Variants in SPI1 observed in about 807,000 individuals in gnomAD.
The protein encoded by SPI1 is transcription factor PU.1.
In SPI1, 3 loss-of-function variants were observed where a neutral mutation model predicts 30.7. That is an observed-to-expected ratio of 0.10 (90% CI 0.04 to 0.25). The LOEUF is 0.25. Ranked by LOEUF, SPI1 falls within the 10% of genes least tolerant of loss-of-function variation. The probability of loss-of-function intolerance (pLI) is 1.00; values close to 1 mark genes in which losing one functional copy is unlikely to be tolerated. For missense variants in SPI1, 261 were observed against 371.5 expected (o/e 0.70, Z 2.45); for synonymous variants, 169 against 157.1 (o/e 1.08, Z -0.56).
At chr11:47,356,186 A>G (rs1487101607) in intron 4 of SPI1, among the ~76,000 whole-genome samples, 1 of 150,396 alleles carries the variant, frequency 6.6e-6, no homozygotes, top group Admixed American at 6.6e-5. Flanking sequence ...TCACACACCC[A>G]CACAATGCAC....
At chr11:47,362,437 T>C (rs886974544) in intron 2 of SPI1, among the ~76,000 whole-genome samples, 2 of 152,032 alleles carry the variant, frequency 1.3e-5, no homozygotes, top group African/African-American at 4.8e-5. Context: ...CCAGACATGG[T>C]GGCACACACT....
At chr11:47,361,125 A>G (rs566023424) in intron 2 of SPI1, among the ~76,000 whole-genome samples, 2 of 152,128 alleles carry the variant, frequency 1.3e-5, no homozygotes, top group Non-Finnish European at 2.9e-5. Flanking sequence ...CGTCTCAAAA[A>G]GAAAAAAAAA....
rs576752137 is a variant in SPI1, at chr11:47,359,651, C to T, written c.330+202G>A. On this transcript the variant is annotated intron_variant, in intron 3 of 4. Coordinates refer to ENST00000378538, the MANE Select transcript of SPI1 (RefSeq NM_003120.3). This position sits in a 1 kb window ranked among gnomAD's most constrained non-coding sequence, Gnocchi z 5.1. ...GAATTATCTGGGGTCTGTCCATACT[C>T]GGGGTGAGATGAGATAAGGGGTGTG... Among the ~76,000 whole-genome samples the T allele has an allele frequency of 4.1e-5, 6 of 146,912 alleles. No homozygotes were observed. The East Asian group carries it at 1.0e-3, about 25-fold the overall frequency.
Position 47,375,844 on chromosome 11 carries a change from A to T in SPI1, c.46-115T>A, listed in dbSNP as rs2095941636. ...TTCCCTGGCTCAGTGGCTGCGTTGG[A>T]CCTACAGCCCTCCCTCTGCCTGGAA... On this transcript the variant is annotated intron_variant, in intron 1 of 4. Transcript: ENST00000378538. The surrounding 1 kb of genome is among the most constrained non-coding windows in gnomAD (Gnocchi z 4.2). The T allele has an allele frequency of 2.2e-5, 18 of 827,340 alleles. No individual in the cohort carries two copies. The highest frequency in any genetic ancestry group is 3.8e-5 in the Non-Finnish European group (18 of 478,616). 51.2% of individuals were successfully genotyped at this position (827,340 alleles called of 1,614,324 possible).
At chr11:47,376,684 C>A (rs1038307373) in intron 1 of SPI1, among the ~76,000 whole-genome samples, 8 of 152,102 alleles carry the variant, frequency 5.3e-5, no homozygotes, top group Admixed American at 2.6e-4. Flanking sequence ...TCCTCCTCCC[C>A]CTACTGGCAC....
rs144812993 is a variant in SPI1, at chr11:47,359,946, C to T, written c.237G>A (p.Pro79=). 797 of 1,611,522 alleles carry T rather than the reference C, an allele frequency of 4.9e-4. No individual in the cohort carries two copies. The highest frequency in any genetic ancestry group is 6.4e-4 in the Non-Finnish European group (754 of 1,179,662). The change falls in exon 3 of 5, where the codon CCG becomes CCA. Residue 79 remains proline, a synonymous_variant. Transcript: ENST00000378538. This position sits in a 1 kb window ranked among gnomAD's most constrained non-coding sequence, Gnocchi z 5.1. ...NFTELQSVQP[P]QLQQLYRHME... ...TGTGGCGGTAGAGCTGCTGCAGCTG[C>T]GGGGGCTGCACGCTCTGGAGCTCCG...
chr11:47,355,239 G>A lies in SPI1; in HGVS notation c.801C>T (p.His267=). The A allele has an allele frequency of 7.0e-7, 1 of 1,427,908 alleles. No individual in the cohort carries two copies. The highest frequency in any genetic ancestry group is 1.8e-4 in the Middle Eastern group (1 of 5,540). The allele number at this position is 1,427,908 out of a possible 1,614,324, so 88.5% of individuals were successfully genotyped here. A position where few individuals can be genotyped will look rare whatever the true frequency, so the allele number is the denominator to read the frequency against. The change falls in exon 5 of 5, where the codon CAC becomes CAT. Residue 267 remains histidine, a synonymous_variant. Transcript: ENST00000378538. ...GGGGGCTGCGGGCTCAGTGGGGCGG[G>A]TGGCGCCGCTCGGCCAGGCCCCCGC... ...LGRGGLAERR[H]PPH is the part of the protein sequence containing the mutation.
intron 4 of SPI1, 163 bp downstream of exon 4, chr11:47,358,681 G>GACAGCC: frequency 1.3e-6 from 1 of 755,968 alleles, no homozygotes; most frequent in Non-Finnish European, 2.3e-6. Context: ...CACACACAGA[G>GACAGCC]ACAGCCACAG....
chr11:47,368,200 A>G (rs1395807958), intron 2 of SPI1, among the ~76,000 whole-genome samples: 1 of 152,158 alleles, frequency 6.6e-6, no homozygotes, highest in East Asian at 1.9e-4. Flanking sequence ...ATCTGTCTCT[A>G]CTAAAAATAC....
chr11:47,361,307 G>A lies in SPI1; in HGVS notation c.143-1267C>T, dbSNP rs551375231. On this transcript the variant is annotated intron_variant, in intron 2 of 4. Coordinates refer to ENST00000378538, the MANE Select transcript of SPI1 (RefSeq NM_003120.3). Reference sequence around the variant, plus strand: ...CACACTAGAACTTGTCCAGGCACACGGTGGCCCTTCCTCTTCAAAGCCATG... The same window carrying A: ...CACACTAGAACTTGTCCAGGCACACAGTGGCCCTTCCTCTTCAAAGCCATG... 3.9e-5 allele frequency among the ~76,000 whole-genome samples: 6 copies of A among 152,112 alleles called. 1 individual carries two copies. The highest frequency in any genetic ancestry group is 1.4e-4 in the African/African-American group (6 of 41,480).
At chr11:47,364,639 G>C (rs2095925892) in intron 2 of SPI1, among the ~76,000 whole-genome samples, 1 of 152,078 alleles carries the variant, frequency 6.6e-6, no homozygotes, top group Non-Finnish European at 1.5e-5. Flanking sequence ...GCACCCCTTA[G>C]GTGTGGGGTA....
At chr11:47,367,796 C>T (rs1048628209) in intron 2 of SPI1, among the ~76,000 whole-genome samples, 2 of 128,608 alleles carry the variant, frequency 1.6e-5, no homozygotes, top group East Asian at 2.4e-4. Context: ...GTCTTGCTCT[C>T]GCCCAGGCTG....
chr11:47,371,985 G>A (rs989490295), intron 2 of SPI1, among the ~76,000 whole-genome samples: 1 of 152,032 alleles, frequency 6.6e-6, no homozygotes, highest in Non-Finnish European at 1.5e-5. Flanking sequence ...TGTGAATTAC[G>A]AGTTCCTTCT....
chr11:47,376,516 C>T (rs957253177), intron 1 of SPI1, among the ~76,000 whole-genome samples: 8 of 152,106 alleles, frequency 5.3e-5, no homozygotes, highest in Non-Finnish European at 7.4e-5. Context: ...CTCACTCTCC[C>T]TCCTGAGTCC....
chr11:47,377,662 C>T (rs557174402), intron 1 of SPI1, among the ~76,000 whole-genome samples: 50 of 152,234 alleles, frequency 3.3e-4, no homozygotes, highest in African/African-American at 1.2e-3. Context: ...TCCCCTGCCG[C>T]GCCTCTCCCT....
intron 4 of SPI1, among the ~76,000 whole-genome samples, chr11:47,357,942 A>G (rs1029285702): frequency 6.6e-6 from 1 of 151,382 alleles, no homozygotes; most frequent in East Asian, 2.0e-4. Context: ...ACACACATGC[A>G]CACCTGCTCA....
intron 2 of SPI1, among the ~76,000 whole-genome samples, chr11:47,362,097 C>T (rs2095921642): frequency 6.6e-6 from 1 of 152,168 alleles, no homozygotes; most frequent in African/African-American, 2.4e-5. Context: ...TTTCTCCAAG[C>T]CTGTGTCCTC....
chr11:47,356,924 C>G (rs867824060), intron 4 of SPI1, among the ~76,000 whole-genome samples: 2 of 135,358 alleles, frequency 1.5e-5, no homozygotes, highest in African/African-American at 5.2e-5. Flanking sequence ...GCTCACACAC[C>G]TCACACCATT....
rs1192732573 is a variant in SPI1, at chr11:47,378,429, C to T, written c.-76G>A. Reference sequence around the variant, plus strand: ...CAGAGCCCCTCAGGATGGGGTGCCCCGTCAGGGGCTGGACGGTCGTGGGGC... The same window carrying T: ...CAGAGCCCCTCAGGATGGGGTGCCCTGTCAGGGGCTGGACGGTCGTGGGGC... On this transcript the variant is annotated 5_prime_UTR_variant, in exon 1 of 5. Transcript: ENST00000378538. The T allele has an allele frequency of 8.5e-6, 13 of 1,526,176 alleles. No individual in the cohort carries two copies. Among genetic ancestry groups the T allele is most frequent in the East Asian group, 2.4e-5 (1 of 41,812 alleles). The allele number at this position is 1,526,176 out of a possible 1,614,324, so 94.5% of individuals were successfully genotyped here.
Sources: allele counts gnomAD v4.1 joint callset (sites outside exome capture counted in the v4.1 genomes callset), GRCh38; gene constraint gnomAD v4.1.1; non-coding constraint Gnocchi (gnomAD v3.1); transcripts MANE v1.5; gene names NCBI Gene and HGNC (gene_info 2026-07-23, HGNC 2026-07-21).